Variants in KCNB2 observed in about 807,000 individuals in gnomAD.
KCNB2 encodes the protein delayed rectifier potassium channel protein.
A neutral mutation model predicts 61.5 loss-of-function variants in KCNB2; 15 were observed. The ratio of observed to expected loss-of-function variants is 0.24; its 90% CI spans 0.16 to 0.38. The LOEUF is 0.38. KCNB2 is among the 10% of genes least tolerant of loss of function. KCNB2 has a pLI of 1.00. For missense variants in KCNB2, 828 were observed against 1,125.2 expected (o/e 0.74, Z 3.78); for synonymous variants, 457 against 446.0 (o/e 1.02, Z -0.31).
chr8:72,800,743 G>T (rs190668812), intron 2 of KCNB2, among the ~76,000 whole-genome samples: 1 of 152,158 alleles, frequency 6.6e-6, no homozygotes, highest in Non-Finnish European at 1.5e-5. Flanking sequence ...ATTGGCTGCC[G>T]TTGTGTTTAT....
At chr8:72,623,221 G>A (rs1805737841) in intron 2 of KCNB2, among the ~76,000 whole-genome samples, 1 of 152,162 alleles carries the variant, frequency 6.6e-6, no homozygotes. Context: ...CCCCAAAGCT[G>A]GAGGAAGCAA....
chr8:72,574,440 T>C (rs1012634932), intron 2 of KCNB2, among the ~76,000 whole-genome samples: 3 of 152,234 alleles, frequency 2.0e-5, no homozygotes, highest in Non-Finnish European at 2.9e-5. Context: ...CTCTTTTTAC[T>C]CTTCAAAGTG....
At chr8:72,609,073 A>G (rs1805498837) in intron 2 of KCNB2, among the ~76,000 whole-genome samples, 1 of 152,328 alleles carries the variant, frequency 6.6e-6, no homozygotes, top group East Asian at 1.9e-4. Flanking sequence ...GAGAAGAAGT[A>G]TGAGAGGTTA....
chr8:72,572,398 A>C (rs946205800), intron 2 of KCNB2, among the ~76,000 whole-genome samples: 1 of 152,186 alleles, frequency 6.6e-6, no homozygotes, highest in Non-Finnish European at 1.5e-5. Flanking sequence ...CATCTGAACC[A>C]AACAGTGAGA....
chr8:72,560,091 A>G (rs1338364932), intron 1 of KCNB2, among the ~76,000 whole-genome samples: 1 of 152,196 alleles, frequency 6.6e-6, no homozygotes, highest in Non-Finnish European at 1.5e-5. Flanking sequence ...CACATTACAT[A>G]TAATGTGTTT....
intron 2 of KCNB2, chr8:72,750,211 G>T (rs1371269482): frequency 2.0e-5 from 3 of 152,046 alleles, no homozygotes; most frequent in African/African-American, 7.2e-5. Context: ...TTTGTTACAT[G>T]TCACTGAACT....
rs748825911 is a variant in KCNB2 at position 72,568,212 on chromosome 8, C to T, written c.478C>T (p.Arg160Ter). 1.2e-6 allele frequency: 2 copies of T among 1,613,892 alleles called. No individual in the cohort carries two copies. The highest frequency in any genetic ancestry group is 8.5e-7 in the Non-Finnish European group (1 of 1,180,024). The change falls in exon 2 of 3, where the codon CGA becomes TGA. Residue 160 changes from arginine (R) to a stop codon, truncating the protein, a stop_gained. Coordinates refer to ENST00000523207, the MANE Select transcript of KCNB2 (RefSeq NM_004770.3). LOFTEE classifies it high-confidence loss of function. ...ACTGAGGCGAGAGGCAGAGACTATG[C>T]GAGAGCGAGAAGGAGAAGAGTTTGA... ...EELRREAETM[R>*]EREGEEFDNT...
intron 2 of KCNB2, among the ~76,000 whole-genome samples, chr8:72,621,245 G>T (rs115350108): frequency 0.015 from 2,239 of 152,124 alleles, 44 homozygotes; most frequent in African/African-American, 0.052. Context: ...TGTCAGTAAC[G>T]ACCTCCCATA....
chr8:72,672,020 T>C (rs868802533), intron 2 of KCNB2, among the ~76,000 whole-genome samples: 2 of 152,202 alleles, frequency 1.3e-5, no homozygotes, highest in South Asian at 4.2e-4. Flanking sequence ...CCCACTGTGG[T>C]TGAATCGTTG....
chr8:72,663,012 C>T (rs952766098), intron 2 of KCNB2, among the ~76,000 whole-genome samples: 1 of 152,104 alleles, frequency 6.6e-6, no homozygotes, highest in Non-Finnish European at 1.5e-5. Flanking sequence ...CTGAGCTCCT[C>T]CCTACCATGG....
chr8:72,704,963 G>GTTT (rs895519644), intron 2 of KCNB2, among the ~76,000 whole-genome samples: 14 of 151,448 alleles, frequency 9.2e-5, no homozygotes, highest in Non-Finnish European at 1.5e-5. Flanking sequence ...ATTTTTTATT[G>GTTT]TATTGTTATT....
intron 2 of KCNB2, among the ~76,000 whole-genome samples, chr8:72,579,648 C>T (rs1806860086): frequency 6.6e-6 from 1 of 152,168 alleles, no homozygotes; most frequent in Admixed American, 6.5e-5. Context: ...TCACTATCCC[C>T]AGAGCCTTCT....
chr8:72,631,400 TTAACA>T (rs1805879695), intron 2 of KCNB2, among the ~76,000 whole-genome samples: 1 of 152,230 alleles, frequency 6.6e-6, no homozygotes, highest in Non-Finnish European at 1.5e-5. Flanking sequence ...CTGGCAATCC[TTAACA>T]TTCATTGGCT....
intron 2 of KCNB2, among the ~76,000 whole-genome samples, chr8:72,813,470 A>C: frequency 6.6e-6 from 1 of 152,170 alleles, no homozygotes; most frequent in East Asian, 1.9e-4. Context: ...GAAACAGTAA[A>C]GATTGTAAGG....
chr8:72,753,133 A>G (rs1808227270), intron 2 of KCNB2, among the ~76,000 whole-genome samples: 1 of 152,208 alleles, frequency 6.6e-6, no homozygotes, highest in Admixed American at 6.5e-5. Flanking sequence ...CTGGATAGCA[A>G]ACCTGGATCT....
At chr8:72,838,884 A>G (rs1446839668) in intron 2 of KCNB2, among the ~76,000 whole-genome samples, 1 of 152,234 alleles carries the variant, frequency 6.6e-6, no homozygotes, top group East Asian at 1.9e-4. Flanking sequence ...TGAATGAGCA[A>G]GACAATCCTC....
At chr8:72,657,500 G>A (rs1176831626) in intron 2 of KCNB2, among the ~76,000 whole-genome samples, 1 of 152,102 alleles carries the variant, frequency 6.6e-6, no homozygotes, top group Admixed American at 6.6e-5. Flanking sequence ...TGGAGAAGTT[G>A]TTAAACAGCA....
At chr8:72,575,021 A>C (rs757701125) in intron 2 of KCNB2, among the ~76,000 whole-genome samples, 1 of 152,196 alleles carries the variant, frequency 6.6e-6, no homozygotes, top group Non-Finnish European at 1.5e-5. Context: ...ACAAACAAAT[A>C]CTTTCCAAAT....
At chr8:72,891,301 G>C (rs1298644774) in intron 2 of KCNB2, among the ~76,000 whole-genome samples, 1 of 152,202 alleles carries the variant, frequency 6.6e-6, no homozygotes, top group African/African-American at 2.4e-5. Flanking sequence ...ATTAGAGCTG[G>C]AGATGGTAAC....
Sources: gnomAD v4.1 joint callset for allele counts (sites outside exome capture counted in the v4.1 genomes callset) on GRCh38, gnomAD v4.1.1 for gene constraint, MANE v1.5 for transcripts, NCBI Gene and HGNC (gene_info 2026-07-23, HGNC 2026-07-21) for gene names.